The following DVL1 variants were observed in gnomAD, a reference collection of about 807,000 sequenced individuals.
The protein encoded by DVL1 is segment polarity protein dishevelled homolog DVL-1.
A neutral mutation model predicts 65.0 loss-of-function variants in DVL1; 49 were observed. The ratio of observed to expected loss-of-function variants is 0.75; its 90% CI spans 0.60 to 0.96. The LOEUF is 0.96. Among genes scored for constraint, DVL1 ranks in the 40% least tolerant of loss-of-function variants. The probability of loss-of-function intolerance (pLI) is 0.00; values close to 1 mark genes in which losing one functional copy is unlikely to be tolerated. For synonymous variants in DVL1, 608 were observed against 433.9 expected (o/e 1.40, Z -4.99); for missense variants, 1,197 against 1,045.4 (o/e 1.15, Z -2.00).
chr1:1,339,695 C>G, intron 9 of DVL1, 41 bp downstream of exon 9: 1 of 1,612,794 alleles, frequency 6.2e-7, no homozygotes, highest in Non-Finnish European at 8.5e-7. Context: ...GGTCCCACCT[C>G]CCTGCCTGGC....
Position 1,336,266 on chromosome 1 carries a change from C to G in DVL1, c.1964G>C (p.Gly655Ala). ...GACAGGGGGTCCCCCGGGTGGCCCC[C>G]CCACCACTGTATAGGCCTTGGTCGT... Reference protein sequence around the residue: ...HPTTKAYTVVGGPPGGPPVRE... With the variant: ...HPTTKAYTVVAGPPGGPPVRE... The change falls in exon 15 of 15, where the codon GGG becomes GCG. Residue 655 changes from glycine to alanine, a missense_variant. Transcript: ENST00000378888. 1.3e-6 allele frequency: 2 copies of G among 1,562,930 alleles called. No individual in the cohort carries two copies. The highest frequency in any genetic ancestry group is 1.7e-6 in the Non-Finnish European group (2 of 1,160,748).
Position 1,340,098 on chromosome 1 carries a change from G to A in DVL1, c.849C>T (p.Ile283=). 1 of 1,613,110 alleles carries A rather than the reference G, an allele frequency of 6.2e-7. No individual in the cohort carries two copies. The highest frequency in any genetic ancestry group is 8.5e-7 in the Non-Finnish European group (1 of 1,179,930). ...CAGCGGCCACAGCCCCGCCCTTCAT[G>A]ATGGAGCCAATGTAGATGCCGCCGT... ...RGDGGIYIGS[I]MKGGAVAADG... is the part of the protein sequence containing the mutation. The change falls in exon 8 of 15, where the codon ATC becomes ATT. Residue 283 remains isoleucine (I), a synonymous_variant. Transcript: ENST00000378888.
Position 1,349,053 on chromosome 1 carries a change from T to C in DVL1, c.13A>G (p.Lys5Glu), listed in dbSNP as rs1203442986. ...TCCTCGTCCATGTGGTAGATAATCT[T>C]GGTCTCCGCCATGGCGCGGCGGCGG... The part of the protein sequence containing the change: MAET[K>E]IIYHMDEEET... Residue 5 changes from lysine to glutamate, a missense_variant, in exon 1 of 15, where the codon AAG becomes GAG. Physicochemically the swap from Lys to Glu is moderately conservative, Grantham distance 56. Coordinates refer to ENST00000378888, the MANE Select transcript of DVL1 (RefSeq NM_001330311.2). The surrounding 1 kb of genome is among the most constrained non-coding windows in gnomAD (Gnocchi z 4.1). The C allele has an allele frequency of 6.6e-7, 1 of 1,519,050 alleles. No homozygotes were observed. Among genetic ancestry groups the C allele is most frequent in the Non-Finnish European group, 8.9e-7 (1 of 1,128,478 alleles). The allele number at this position is 1,519,050 out of a possible 1,614,324, so 94.1% of individuals were successfully genotyped here.
chr1:1,337,037 C>T (rs1162010399), intron 14 of DVL1: 1 of 988,922 alleles, frequency 1.0e-6, no homozygotes. Context: ...GTCCGCTCCG[C>T]TAGTCCTTCA....
At position 1,335,902 on chromosome 1, in the gene DVL1, G is replaced by A. The variant is rs1396884380; in HGVS notation, c.*240C>T. 3.4e-6 allele frequency: 2 copies of A among 593,688 alleles called. No individual in the cohort carries two copies. The highest frequency in any genetic ancestry group is 4.5e-4 in the Middle Eastern group (1 of 2,240). 36.8% of individuals were successfully genotyped at this position (593,688 alleles called of 1,614,324 possible). ...GAGGGATCCCCACCAGACACAAGGG[G>A]TTGGGAGGTCCGAGGCTCTCGCTGA... On this transcript the variant is annotated 3_prime_UTR_variant, in exon 15 of 15. Transcript: ENST00000378888.
rs765642883 is a variant in DVL1 at position 1,337,958 on chromosome 1, G to A, written c.1714+19C>T. ...TGGGGGCGGAGCCGGGGAAGGGCAG[G>A]TAGGGGCGGCGTTCTCACCTTCACT... On this transcript the variant is annotated intron_variant, in intron 14 of 14. Transcript: ENST00000378888. 4 of 1,604,860 alleles carry A rather than the reference G, an allele frequency of 2.5e-6. No homozygotes were observed. The Admixed American group carries it at 6.7e-5, about 27-fold the overall frequency.
intron 1 of DVL1, among the ~76,000 whole-genome samples, chr1:1,344,964 G>A (rs758709766): frequency 2.0e-5 from 3 of 152,018 alleles, no homozygotes; most frequent in East Asian, 1.9e-4. Context: ...TCACCTGAGG[G>A]AGACACTCAG....
rs1403767438 is a variant in DVL1, at chr1:1,349,367, C to T, written c.-302G>A. 1 of 145,478 alleles carries T rather than the reference C, an allele frequency of 6.9e-6. No individual in the cohort carries two copies. Among genetic ancestry groups the T allele is most frequent in the Non-Finnish European group, 1.5e-5 (1 of 65,520 alleles). 9.0% of individuals were successfully genotyped at this position (145,478 alleles called of 1,614,324 possible). On this transcript the variant is annotated 5_prime_UTR_variant, in exon 1 of 15. Transcript: ENST00000378888. The surrounding 1 kb of genome is among the most constrained non-coding windows in gnomAD (Gnocchi z 4.1). ...CCGCCGCCCTCCCGCCTGCGCCCCT[C>T]GGGCCGCGCCGTTAAAGGGACCGCC... is the stretch of plus-strand genomic sequence containing the variant.
At chr1:1,338,461 G>T in intron 12 of DVL1, 25 bp from the exon 13 acceptor site, 2 of 1,608,446 alleles carry the variant, frequency 1.2e-6, no homozygotes, top group African/African-American at 1.3e-5. Context: ...CGGTCAGCCC[G>T]CAGCCTCGAG....
chr1:1,341,834 T>C, intron 4 of DVL1, 29 bp from the exon 5 acceptor site: 1 of 1,552,296 alleles, frequency 6.4e-7, no homozygotes, highest in African/African-American at 1.4e-5. Flanking sequence ...GGGAACTGAC[T>C]GCAGGGTCTC....
At position 1,340,314 on chromosome 1, in the gene DVL1, G is replaced by C; in HGVS notation, c.702C>G (p.Ala234=). ...RKQRLRQADR[A]SSFSSITDST... ...AGTCGGTTATGCTGCTGAAGGAGGA[G>C]GCCTATGGAGGAGAGGGGGCGTGTG... is the stretch of plus-strand genomic sequence containing the variant. Residue 234 remains alanine, a splice_region_variant and synonymous_variant, in exon 7 of 15, where the codon GCC becomes GCG. Transcript: ENST00000378888. The C allele has an allele frequency of 6.2e-7, 1 of 1,613,952 alleles. No homozygotes were observed. Among genetic ancestry groups the C allele is most frequent in the Non-Finnish European group, 8.5e-7 (1 of 1,179,994 alleles).
At chr1:1,347,476 T>G (rs1643933437) in intron 1 of DVL1, among the ~76,000 whole-genome samples, 1 of 151,970 alleles carries the variant, frequency 6.6e-6, no homozygotes, top group Non-Finnish European at 1.5e-5. Flanking sequence ...GAAGGCGGAC[T>G]CCCCCAGGGC....
intron 13 of DVL1, 40 bp downstream of exon 13, chr1:1,338,229 T>TTGCCCCCCCCCCCCCCCCCAA: frequency 1.3e-6 from 2 of 1,522,370 alleles, no homozygotes; most frequent in Non-Finnish European, 1.8e-6. Flanking sequence ...CCTCCGGCGT[T>TTGCCCCCCCCCCCCCCCCCAA]CCCCTCCCCC....
rs1187309273 is a variant in DVL1 at position 1,339,621 on chromosome 1, A to G, written c.1015T>C (p.Trp339Arg). The G allele has an allele frequency of 6.2e-7, 1 of 1,608,860 alleles. No homozygotes were observed. Among genetic ancestry groups the G allele is most frequent in the South Asian group, 1.1e-5 (1 of 90,930 alleles). The change falls in exon 10 of 15, where the codon TGG (tryptophan) becomes CGG (arginine). Residue 339 changes from tryptophan (W) to arginine (R), a missense_variant. Transcript: ENST00000378888. ...GPISLTVAKC[W>R]DPTPRSYFTV... is the part of the protein sequence containing the mutation. ...AAGTAGCTTCGGGGCGTTGGGTCCC[A>G]GCACTTGGCCACAGTGAGGCTGATG...
At chr1:1,339,113 G>A (rs1215152119) in intron 11 of DVL1, among the ~76,000 whole-genome samples, 174 bp downstream of exon 11, 1 of 152,264 alleles carries the variant, frequency 6.6e-6, no homozygotes, top group African/African-American at 2.4e-5. Flanking sequence ...GAGCAGGATG[G>A]GCTGCACAAG....
chr1:1,342,111 G>A lies in DVL1; in HGVS notation c.408C>T (p.Gly136=). The A allele has an allele frequency of 6.3e-7, 1 of 1,594,330 alleles. No homozygotes were observed. Among genetic ancestry groups the A allele is most frequent in the Non-Finnish European group, 8.5e-7 (1 of 1,171,720 alleles). ...SSRDGMDNET[G]TESMVSHRRE... ...GCCGGTGACTGACCATGGACTCCGT[G>A]CCTGTCTCGTTGTCCATCCCGTCAC... The change falls in exon 4 of 15, where the codon GGC becomes GGT. Residue 136 remains glycine (G), a synonymous_variant. Coordinates refer to ENST00000378888, the MANE Select transcript of DVL1 (RefSeq NM_001330311.2).
At position 1,336,275 on chromosome 1, in the gene DVL1, G is replaced by A. The variant is rs767628325; in HGVS notation, c.1955C>T (p.Thr652Ile). 1.3e-6 allele frequency: 2 copies of A among 1,565,030 alleles called. No homozygotes were observed. Among genetic ancestry groups the A allele is most frequent in the Admixed American group, 3.7e-5 (2 of 54,308 alleles). ...PPPHPTTKAYTVVGGPPGGPP... is the reference protein window; with the variant it reads ...PPPHPTTKAYIVVGGPPGGPP... ...TCCCCCGGGTGGCCCCCCCACCACTGTATAGGCCTTGGTCGTGGGGTGGGG... is the reference window on the plus strand; with the variant it reads ...TCCCCCGGGTGGCCCCCCCACCACTATATAGGCCTTGGTCGTGGGGTGGGG... Residue 652 changes from threonine to isoleucine, a missense_variant, in exon 15 of 15, where the codon ACA becomes ATA. Transcript: ENST00000378888.
At chr1:1,344,981 A>G (rs1427091383) in intron 1 of DVL1, among the ~76,000 whole-genome samples, 1 of 151,788 alleles carries the variant, frequency 6.6e-6, no homozygotes, top group East Asian at 1.9e-4. Flanking sequence ...TCAGTCACCC[A>G]GCACCCTCTG....
At chr1:1,338,234 T>TCCCC in intron 13 of DVL1, 35 bp downstream of exon 13, 1 of 446,464 alleles carries the variant, frequency 2.2e-6, no homozygotes, top group Admixed American at 3.3e-5. Context: ...GGCGTTCCCC[T>TCCCC]CCCCCCCGCC....
Sources: allele counts gnomAD v4.1 joint callset (sites outside exome capture counted in the v4.1 genomes callset), GRCh38; gene constraint gnomAD v4.1.1; non-coding constraint Gnocchi (gnomAD v3.1); transcripts MANE v1.5; gene names NCBI Gene and HGNC (gene_info 2026-07-23, HGNC 2026-07-21).